DAGLA: variants seen among roughly 807,000 people sequenced by gnomAD.
DAGLA encodes the protein diacylglycerol lipase-alpha.
In DAGLA, 22 loss-of-function variants were observed where a neutral mutation model predicts 102.6. The ratio of observed to expected loss-of-function variants is 0.21; its 90% confidence interval spans 0.15 to 0.31. The LOEUF (loss-of-function observed/expected upper bound fraction) is 0.31. Ranked by LOEUF, DAGLA falls within the 10% of genes least tolerant of loss-of-function variation. The pLI is 1.00. For missense variants in DAGLA, 927 were observed against 1,446.6 expected, an observed-to-expected ratio of 0.64 and a Z score of 5.83; for synonymous variants, 578 against 628.9, an observed-to-expected ratio of 0.92 and a Z score of 1.21.
At chr11:61,741,875 G>A (rs569341851) in intron 19 of DAGLA, among the ~76,000 whole-genome samples, 4 of 152,306 alleles carry the variant, frequency 2.6e-5, no homozygotes, top group East Asian at 1.9e-4. Flanking sequence ...GCCTCCCAAA[G>A]TGCTGGGATT....
chr11:61,719,021 C>T (rs949763980), intron 1 of DAGLA, among the ~76,000 whole-genome samples: 2 of 152,194 alleles, frequency 1.3e-5, no homozygotes, highest in Non-Finnish European at 2.9e-5. Context: ...CCTCTACTGG[C>T]CCCCGGCGGG....
rs1299071635 is a variant in DAGLA at position 61,722,880 on chromosome 11, T to C, written c.329T>C (p.Ile110Thr). ...VRLAILVIEF[I>T]YAIVGIVWLT... ...GCAGCCATCCTGGTGATCGAGTTCA[T>C]CTACGCCATCGTGGGCATCGTCTGG... The change falls in exon 4 of 20, where the codon ATC (isoleucine) becomes ACC (threonine). Residue 110 changes from isoleucine to threonine, a missense_variant. Physicochemically the swap from Ile to Thr is moderately conservative, Grantham distance 89. This residue lies in a region of DAGLA where 231 missense variants were observed against 439.8 expected (regional missense o/e 0.53). Transcript: ENST00000257215. The C allele has an allele frequency of 1.3e-5, 21 of 1,614,156 alleles. No homozygotes were observed. Among genetic ancestry groups the C allele is most frequent in the Non-Finnish European group, 1.8e-5 (21 of 1,180,014 alleles).
rs1344077344 is a variant in DAGLA, at chr11:61,734,331, T to C, written c.975-518T>C. ...GCCACCGAGGGGCCTTGGGAAGACCTCAGGAGGGTTGGGGTACACAAGCAG... is the reference window on the plus strand; with the variant it reads ...GCCACCGAGGGGCCTTGGGAAGACCCCAGGAGGGTTGGGGTACACAAGCAG... On this transcript the variant is annotated intron_variant, in intron 9 of 19. Coordinates refer to ENST00000257215, the MANE Select transcript of DAGLA (RefSeq NM_006133.3). The surrounding 1 kb of genome is among the most constrained non-coding windows in gnomAD (Gnocchi z 4.2). Among the ~76,000 whole-genome samples the C allele has an allele frequency of 2.6e-5, 4 of 151,652 alleles. No homozygotes were observed. The highest frequency in any genetic ancestry group is 4.9e-5 in the African/African-American group (2 of 41,212).
chr11:61,736,051 T>C (rs2135599843), intron 12 of DAGLA, among the ~76,000 whole-genome samples: 1 of 152,272 alleles, frequency 6.6e-6, no homozygotes, highest in Middle Eastern at 3.4e-3. Flanking sequence ...GGAGAGATCA[T>C]ACCAGCTTCA....
At chr11:61,705,965 C>T (rs1426505798) in intron 1 of DAGLA, among the ~76,000 whole-genome samples, 1 of 152,226 alleles carries the variant, frequency 6.6e-6, no homozygotes, top group Non-Finnish European at 1.5e-5. Flanking sequence ...GCTCCTGGGC[C>T]AGCCCAGCCT....
chr11:61,702,493 G>A (rs2065117091), intron 1 of DAGLA, among the ~76,000 whole-genome samples: 1 of 152,190 alleles, frequency 6.6e-6, no homozygotes. Context: ...GGGGATGGGG[G>A]TAAAAGTGGA....
chr11:61,741,970 T>C (rs1375993429), intron 19 of DAGLA, among the ~76,000 whole-genome samples: 1 of 152,212 alleles, frequency 6.6e-6, no homozygotes, highest in African/African-American at 2.4e-5. Context: ...TTTACTTACA[T>C]ATTTGTATTG....
chr11:61,730,520 C>T (rs960350824), intron 8 of DAGLA, among the ~76,000 whole-genome samples: 2 of 152,166 alleles, frequency 1.3e-5, no homozygotes, highest in East Asian at 1.9e-4. Flanking sequence ...AACCACCCTC[C>T]TTAACTTTTA....
chr11:61,743,377 A>AG (rs2065498811), intron 19 of DAGLA, among the ~76,000 whole-genome samples, 155 bp from the exon 20 acceptor site: 1 of 151,986 alleles, frequency 6.6e-6, no homozygotes, highest in African/African-American at 2.4e-5. Context: ...AAAAAAAAAA[A>AG]AAAAGAAAAT....
chr11:61,701,054 C>T (rs1449359879), intron 1 of DAGLA, among the ~76,000 whole-genome samples: 6 of 152,224 alleles, frequency 3.9e-5, no homozygotes, highest in Non-Finnish European at 5.9e-5. Context: ...TTCCCGGAAC[C>T]GGGGCCCAAA....
chr11:61,688,816 G>A (rs1056263137), intron 1 of DAGLA, among the ~76,000 whole-genome samples: 1 of 152,254 alleles, frequency 6.6e-6, no homozygotes, highest in African/African-American at 2.4e-5. Context: ...TGAGCCCTGT[G>A]TCTGTTCCGG....
intron 1 of DAGLA, among the ~76,000 whole-genome samples, chr11:61,691,902 G>A (rs1228521429): frequency 6.6e-6 from 1 of 152,214 alleles, no homozygotes; most frequent in Non-Finnish European, 1.5e-5. Context: ...AGGAGTGTTA[G>A]GAGGTGACAT....
At position 61,744,164 on chromosome 11, in the gene DAGLA, G is replaced by A. The variant is rs775544867; in HGVS notation, c.2804G>A (p.Cys935Tyr). The change falls in exon 20 of 20, where the codon TGC becomes TAC. Residue 935 changes from cysteine to tyrosine, a missense_variant. Coordinates refer to ENST00000257215, the MANE Select transcript of DAGLA (RefSeq NM_006133.3). ...SKSSSFQDLY[C>Y]MVVPESPTSD... ...AGCAGCTCCTTCCAAGACCTCTACT[G>A]CATGGTGGTGCCCGAGAGCCCCACC... is the stretch of plus-strand genomic sequence containing the variant. 7.4e-6 allele frequency: 12 copies of A among 1,613,030 alleles called. No homozygotes were observed. In the East Asian group the frequency reaches 2.0e-4, roughly 27 times the overall value.
chr11:61,733,630 A>T (rs1470942309), intron 9 of DAGLA, among the ~76,000 whole-genome samples: 1 of 152,108 alleles, frequency 6.6e-6, no homozygotes, highest in Non-Finnish European at 1.5e-5. Flanking sequence ...GTGCCGCTGC[A>T]CCTAGCTGGG....
chr11:61,693,161 A>G (rs982763229), intron 1 of DAGLA, among the ~76,000 whole-genome samples: 34 of 151,462 alleles, frequency 2.2e-4, no homozygotes, highest in Admixed American at 1.5e-3. Flanking sequence ...ACATCTGGCT[A>G]ATTTTTGTAT....
rs558180500 is a variant in DAGLA, at chr11:61,731,424, A to G, written c.957A>G (p.Gln319=). 1.0e-4 allele frequency: 169 copies of G among 1,613,724 alleles called. No individual in the cohort carries two copies. Among genetic ancestry groups the G allele is most frequent in the Non-Finnish European group, 1.3e-4 (151 of 1,180,008 alleles). The change falls in exon 9 of 20, where the codon CAA becomes CAG. Residue 319 remains glutamine (Q), a synonymous_variant. Transcript: ENST00000257215. ...LMRKPACGLC[Q]LARSCSCCLC... ...GGAAGCCCGCCTGCGGCCTCTGCCA[A>G]CTGGCTCGGTCCTGCTCGTGAGTAC...
chr11:61,736,229 A>G (rs752657775), intron 12 of DAGLA, 41 bp from the exon 13 acceptor site: 2 of 1,552,234 alleles, frequency 1.3e-6, no homozygotes, highest in South Asian at 1.1e-5. Context: ...GGTCACTGGG[A>G]GGCCTCCCAC....
At chr11:61,723,360 C>G (rs1427049706) in intron 4 of DAGLA, 74 bp from the exon 5 acceptor site, 3 of 1,568,066 alleles carry the variant, frequency 1.9e-6, no homozygotes, top group African/African-American at 2.7e-5. Flanking sequence ...CTCCAATGTC[C>G]CTTTCTTCAG....
chr11:61,696,747 T>G (rs2065069775), intron 1 of DAGLA, among the ~76,000 whole-genome samples: 1 of 152,020 alleles, frequency 6.6e-6, no homozygotes, highest in Non-Finnish European at 1.5e-5. Context: ...CCAGCCTCCT[T>G]GGCAGCGAGC....
Sources: allele counts gnomAD v4.1 joint callset (sites outside exome capture counted in the v4.1 genomes callset), GRCh38; gene constraint gnomAD v4.1.1; regional missense constraint gnomAD v4.1.1; non-coding constraint Gnocchi (gnomAD v3.1); transcripts MANE v1.5; gene names NCBI Gene and HGNC (gene_info 2026-07-23, HGNC 2026-07-21).